ASCC3: variants seen among roughly 807,000 people sequenced by gnomAD.
ASCC3 encodes ASC-1 complex subunit P200.
In ASCC3, 158 loss-of-function variants were observed where a neutral mutation model predicts 256.3. That is an observed-to-expected ratio of 0.62 (90% confidence interval 0.54 to 0.70). ASCC3 has a LOEUF of 0.70. Ranked by LOEUF, ASCC3 falls within the 30% of genes least tolerant of loss-of-function variation. ASCC3 has a pLI of 0.00. For synonymous variants in ASCC3, 948 were observed against 883.4 expected (o/e 1.07, Z -1.30); for missense variants, 2,259 against 2,626.0 (o/e 0.86, Z 3.05).
intron 8 of ASCC3, among the ~76,000 whole-genome samples, chr6:100,791,923 T>C (rs1196800514): frequency 1.3e-5 from 2 of 151,862 alleles, no homozygotes; most frequent in African/African-American, 4.8e-5. Context: ...GAGAGTTAAT[T>C]TGAGGAAAAG....
chr6:100,737,982 T>C (rs1343963238), intron 10 of ASCC3, among the ~76,000 whole-genome samples: 1 of 152,210 alleles, frequency 6.6e-6, no homozygotes, highest in Non-Finnish European at 1.5e-5. Context: ...ATCAGTGATG[T>C]TGAGCTGTCT....
At chr6:100,518,509 A>G (rs1774148522) in intron 37 of ASCC3, among the ~76,000 whole-genome samples, 1 of 152,156 alleles carries the variant, frequency 6.6e-6, no homozygotes, top group Non-Finnish European at 1.5e-5. Flanking sequence ...GAATTTAAAG[A>G]GTGAATCTCA....
At position 100,627,830 on chromosome 6, in the gene ASCC3, T is replaced by A; in HGVS notation, c.4521+12A>T. On this transcript the variant is annotated intron_variant, in intron 28 of 41. Coordinates refer to ENST00000369162, the MANE Select transcript of ASCC3 (RefSeq NM_006828.4). ...ACTAAATAAATGCATAATTTATCAA[T>A]CTTCTACATACCTGCTTAATATTGA... The A allele has an allele frequency of 6.2e-7, 1 of 1,613,478 alleles. No homozygotes were observed. Among genetic ancestry groups the A allele is most frequent in the Middle Eastern group, 1.7e-4 (1 of 6,060 alleles).
At chr6:100,718,638 T>C (rs1779190986) in intron 11 of ASCC3, among the ~76,000 whole-genome samples, 1 of 152,034 alleles carries the variant, frequency 6.6e-6, no homozygotes, top group Non-Finnish European at 1.5e-5. Flanking sequence ...CACACATTTG[T>C]AGTCCCAACG....
At chr6:100,768,958 C>T (rs1781792070) in intron 8 of ASCC3, among the ~76,000 whole-genome samples, 1 of 152,028 alleles carries the variant, frequency 6.6e-6, no homozygotes, top group South Asian at 2.1e-4. Context: ...TAGCACACCT[C>T]CTTAAATAGC....
rs957450339 is a variant in ASCC3 at position 100,859,597 on chromosome 6, TTCC to T, written c.241+4464_241+4466del. ...AATGGCTTTCCACCCTAGATTTTGA[TTCC>T]TCATTTTTTAACAGCAAAATCTTAC... On this transcript the variant is annotated intron_variant, in intron 3 of 41. Coordinates refer to ENST00000369162, the MANE Select transcript of ASCC3 (RefSeq NM_006828.4). 2.7e-4 allele frequency among the ~76,000 whole-genome samples: 41 copies of T among 152,020 alleles called. 1 individual carries two copies. Among genetic ancestry groups the T allele is most frequent in the Admixed American group, 2.7e-3 (41 of 15,254 alleles).
At chr6:100,587,972 T>C (rs1315197040) in intron 36 of ASCC3, among the ~76,000 whole-genome samples, 2 of 152,104 alleles carry the variant, frequency 1.3e-5, no homozygotes, top group Non-Finnish European at 2.9e-5. Context: ...CTTTACAGCA[T>C]GTATCTAGTT....
At chr6:100,775,801 T>A (rs755513530) in intron 8 of ASCC3, among the ~76,000 whole-genome samples, 1 of 151,932 alleles carries the variant, frequency 6.6e-6, no homozygotes, top group Non-Finnish European at 1.5e-5. Context: ...AATAAACTTG[T>A]TGGTAAAAAT....
chr6:100,868,692 A>C (rs893467989), intron 1 of ASCC3, among the ~76,000 whole-genome samples: 9 of 152,256 alleles, frequency 5.9e-5, no homozygotes, highest in Non-Finnish European at 1.0e-4. Flanking sequence ...CTCCCCAGCA[A>C]ATAGACAACA....
At chr6:100,852,853 T>TTC in intron 3 of ASCC3, among the ~76,000 whole-genome samples, 1 of 152,136 alleles carries the variant, frequency 6.6e-6, no homozygotes, top group Non-Finnish European at 1.5e-5. Context: ...ACTTCAACTG[T>TTC]AATATATTTA....
At chr6:100,847,447 G>C (rs983397759) in intron 4 of ASCC3, among the ~76,000 whole-genome samples, 16 of 151,956 alleles carry the variant, frequency 1.1e-4, no homozygotes, top group Non-Finnish European at 2.2e-4. Context: ...TAACACCTAT[G>C]GGTTAAGTCC....
chr6:100,812,747 T>C (rs947298055), intron 4 of ASCC3, among the ~76,000 whole-genome samples: 1 of 151,634 alleles, frequency 6.6e-6, no homozygotes, highest in East Asian at 1.9e-4. Context: ...CTGGGCAACA[T>C]AGCAAGACTC....
chr6:100,616,649 T>C (rs1166187304), intron 30 of ASCC3, among the ~76,000 whole-genome samples: 3 of 152,148 alleles, frequency 2.0e-5, no homozygotes, highest in African/African-American at 4.8e-5. Flanking sequence ...TCAGATTTTT[T>C]CCCCCACCTA....
intron 13 of ASCC3, among the ~76,000 whole-genome samples, chr6:100,680,944 A>G (rs762384499): frequency 1.4e-4 from 22 of 152,316 alleles, no homozygotes; most frequent in African/African-American, 5.3e-4. Flanking sequence ...TAAGTAAAAG[A>G]GAGGATCATT....
At chr6:100,606,217 G>A (rs910944754) in intron 32 of ASCC3, among the ~76,000 whole-genome samples, 1 of 151,914 alleles carries the variant, frequency 6.6e-6, no homozygotes, top group Non-Finnish European at 1.5e-5. Context: ...GCTTTTACAT[G>A]TATTCATTTA....
chr6:100,785,115 C>G (rs552426753), intron 8 of ASCC3, among the ~76,000 whole-genome samples: 10 of 151,978 alleles, frequency 6.6e-5, no homozygotes, highest in African/African-American at 2.4e-4. Flanking sequence ...TAATGCTTTA[C>G]GATAAAAATA....
rs200849535 is a variant in ASCC3 at position 100,669,772 on chromosome 6, CAAGTA to C, written c.2287-7241_2287-7237del. Among the ~76,000 whole-genome samples, 1,154 of 151,704 alleles carry C rather than the reference CAAGTA, an allele frequency of 7.6e-3. 5 individuals carry two copies. The highest frequency in any genetic ancestry group is 0.012 in the Non-Finnish European group (821 of 67,764). On this transcript the variant is annotated intron_variant, in intron 14 of 41. Coordinates refer to ENST00000369162, the MANE Select transcript of ASCC3 (RefSeq NM_006828.4). ...CAGAAGAGAAATTTCAGAAATGACT[CAAGTA>C]AATAAGAGAATATTGTATATTAAAT...
intron 21 of ASCC3, 100 bp downstream of exon 21, chr6:100,647,126 T>C: frequency 8.9e-7 from 1 of 1,125,482 alleles, no homozygotes; most frequent in South Asian, 1.4e-5. Flanking sequence ...AAAATTTTTA[T>C]TTTGATTAAT....
chr6:100,617,033 C>T (rs1204811089), intron 30 of ASCC3, among the ~76,000 whole-genome samples: 1 of 152,022 alleles, frequency 6.6e-6, no homozygotes, highest in African/African-American at 2.4e-5. Flanking sequence ...GAGACAGAGT[C>T]TTGCTCTGTC....
Sources: gnomAD v4.1 joint callset for allele counts (sites outside exome capture counted in the v4.1 genomes callset) on GRCh38, gnomAD v4.1.1 for gene constraint, MANE v1.5 for transcripts, NCBI Gene and HGNC (gene_info 2026-07-23, HGNC 2026-07-21) for gene names.